The following NUDT12 variants were observed in gnomAD, a reference collection of about 807,000 sequenced individuals.
NUDT12 encodes NAD-capped RNA hydrolase NUDT12.
NUDT12 carries 42 observed loss-of-function variants against 45.7 expected under a neutral mutation model. That is an observed-to-expected ratio of 0.92 (90% CI 0.72 to 1.19). NUDT12 has a LOEUF of 1.19. NUDT12 is among the 50% of genes most tolerant of loss of function. The pLI is 0.00. For missense variants in NUDT12, 590 were observed against 533.1 expected, an observed-to-expected ratio of 1.11 and a Z score of -1.05; for synonymous variants, 206 against 179.7, an observed-to-expected ratio of 1.15 and a Z score of -1.17.
At chr5:103,558,169 C>T (rs1024422359) in intron 3 of NUDT12, among the ~76,000 whole-genome samples, 1 of 151,674 alleles carries the variant, frequency 6.6e-6, no homozygotes, top group Admixed American at 6.6e-5. Context: ...TTGCATATAC[C>T]CTCTTTCCTC....
At position 103,554,749 on chromosome 5, in the gene NUDT12, T is replaced by A; in HGVS notation, c.1069A>T (p.Ile357Phe). The change falls in exon 5 of 7, where the codon ATT becomes TTT. Residue 357 changes from isoleucine (I) to phenylalanine (F), a missense_variant. Physicochemically the swap from Ile to Phe is conservative, Grantham distance 21 (BLOSUM62 0). Coordinates refer to ENST00000230792, the MANE Select transcript of NUDT12 (RefSeq NM_031438.4). ...PGMFTCLAGF[I>F]EPGETIEDAV... ...TTAAGAAATGGCTTACCAGGCTCAA[T>A]AAATCCAGCAAGGCAAGTAAACATG... 7.0e-7 allele frequency: 1 copy of A among 1,434,506 alleles called. No individual in the cohort carries two copies. Among genetic ancestry groups the A allele is most frequent in the Non-Finnish European group, 9.4e-7 (1 of 1,067,824 alleles). The allele number at this position is 1,434,506 out of a possible 1,614,324, so 88.9% of individuals were successfully genotyped here.
At chr5:103,555,397 T>C (rs539643640) in intron 4 of NUDT12, among the ~76,000 whole-genome samples, 4 of 152,076 alleles carry the variant, frequency 2.6e-5, no homozygotes, top group Non-Finnish European at 5.9e-5. Context: ...TAAAAGGCTC[T>C]TGAGCAACAA....
intron 3 of NUDT12, among the ~76,000 whole-genome samples, chr5:103,558,557 A>G (rs1389746027): frequency 6.6e-6 from 1 of 152,180 alleles, no homozygotes; most frequent in Admixed American, 6.5e-5. Context: ...AGCCCCATCA[A>G]CAGAATACAA....
rs769852785 is a variant in NUDT12 at position 103,552,234 on chromosome 5, A to G, written c.1261T>C (p.Trp421Arg). The change falls in exon 6 of 7, where the codon TGG (tryptophan) becomes CGG (arginine). Residue 421 changes from tryptophan to arginine, a missense_variant. Physicochemically the swap from Trp to Arg is moderately radical, Grantham distance 101 (BLOSUM62 -3). Transcript: ENST00000230792. ...AACTTTACCTGTTCTCTAGTGAACCAGCGGGCATCCTCTATTTCATTCTTG... is the reference window on the plus strand; with the variant it reads ...AACTTTACCTGTTCTCTAGTGAACCGGCGGGCATCCTCTATTTCATTCTTG... ...VDKNEIEDAR[W>R]FTREQVLDVL... 2.8e-5 allele frequency: 45 copies of G among 1,613,246 alleles called. No individual in the cohort carries two copies. The highest frequency in any genetic ancestry group is 3.8e-5 in the Non-Finnish European group (45 of 1,179,374).
intron 3 of NUDT12, among the ~76,000 whole-genome samples, chr5:103,557,992 T>C (rs543398841): frequency 6.6e-6 from 1 of 152,000 alleles, no homozygotes; most frequent in Admixed American, 6.6e-5. Context: ...TCTGTCCTGC[T>C]TTCCTTGCTC....
chr5:103,561,037 A>C (rs1257034278), intron 1 of NUDT12, among the ~76,000 whole-genome samples: 1 of 149,620 alleles, frequency 6.7e-6, no homozygotes, highest in East Asian at 1.9e-4. Flanking sequence ...CAGATGATAG[A>C]GCACACACTG....
chr5:103,562,621 C>G (rs539562597), intron 1 of NUDT12, 82 bp downstream of exon 1: 3 of 152,318 alleles, frequency 2.0e-5, no homozygotes, highest in Non-Finnish European at 4.4e-5. Flanking sequence ...CAGGGCAGCG[C>G]GGGAACCAAA....
chr5:103,554,772 A>G lies in NUDT12; in HGVS notation c.1046T>C (p.Met349Thr). Residue 349 changes from methionine (M) to threonine (T), a missense_variant, in exon 5 of 7, where the codon ATG becomes ACG. By Grantham distance (81) the Met-to-Thr change is moderately conservative (BLOSUM62 -1). Transcript: ENST00000230792. ...LGRQKRFPPG[M>T]FTCLAGFIEP... ...AATAAATCCAGCAAGGCAAGTAAACATGCCTGGGGGAAATCTTTTCTGCCT... is the reference window on the plus strand; with the variant it reads ...AATAAATCCAGCAAGGCAAGTAAACGTGCCTGGGGGAAATCTTTTCTGCCT... 6.5e-7 allele frequency: 1 copy of G among 1,532,030 alleles called. No individual in the cohort carries two copies. The allele number at this position is 1,532,030 out of a possible 1,614,324, so 94.9% of individuals were successfully genotyped here.
At chr5:103,560,468 A>G (rs1748999194) in intron 1 of NUDT12, among the ~76,000 whole-genome samples, 2 of 152,150 alleles carry the variant, frequency 1.3e-5, no homozygotes, top group Admixed American at 1.3e-4. Flanking sequence ...TGGGAGTTAC[A>G]CAAAATAATG....
rs1389678593 is a variant in NUDT12 at position 103,549,784 on chromosome 5, A to G, written c.*1077T>C. 1.3e-5 allele frequency: 2 copies of G among 152,120 alleles called. No individual in the cohort carries two copies. Among genetic ancestry groups the G allele is most frequent in the East Asian group, 1.9e-4 (1 of 5,200 alleles). The allele number at this position is 152,120 out of a possible 1,614,324, so 9.4% of individuals were successfully genotyped here. A position where few individuals can be genotyped will look rare whatever the true frequency, so the allele number is the denominator to read the frequency against. ...ATAGCCTTTCAAAATGTGACTTTCT[A>G]TGTTGCAAAATTGTGAACTACTATG... On this transcript the variant is annotated 3_prime_UTR_variant, in exon 7 of 7. Transcript: ENST00000230792.
At chr5:103,552,821 CT>C (rs1055896262) in intron 5 of NUDT12, among the ~76,000 whole-genome samples, 3 of 151,864 alleles carry the variant, frequency 2.0e-5, no homozygotes, top group Non-Finnish European at 2.9e-5. Flanking sequence ...AATTCTGAAA[CT>C]TTTTTTTATT....
intron 1 of NUDT12, among the ~76,000 whole-genome samples, chr5:103,561,062 T>A (rs1221002015): frequency 1.4e-5 from 2 of 142,370 alleles, no homozygotes; most frequent in Admixed American, 7.0e-5. Flanking sequence ...TTTTTTGTCT[T>A]TTTTTTTTTT....
rs115844353 is a variant in NUDT12, at chr5:103,550,858, G to T, written c.*3C>A. 5.2e-4 allele frequency: 821 copies of T among 1,583,308 alleles called. 8 individuals carry two copies. The African/African-American group carries it at 0.01, about 20-fold the overall frequency. On this transcript the variant is annotated 3_prime_UTR_variant, in exon 7 of 7. Transcript: ENST00000230792. ...AATAATACTCAAAGCTTAGTTCTTAGATTTAGAGATTAGGATTTATTCTAA... is the reference window on the plus strand; with the variant it reads ...AATAATACTCAAAGCTTAGTTCTTATATTTAGAGATTAGGATTTATTCTAA...
intron 3 of NUDT12, among the ~76,000 whole-genome samples, chr5:103,556,320 A>G (rs756698184): frequency 3.9e-5 from 6 of 152,092 alleles, no homozygotes; most frequent in Non-Finnish European, 8.8e-5. Context: ...TTCATATAAG[A>G]TAGACATACT....
At chr5:103,556,579 G>C (rs1183761274) in intron 3 of NUDT12, among the ~76,000 whole-genome samples, 1 of 151,992 alleles carries the variant, frequency 6.6e-6, no homozygotes, top group Non-Finnish European at 1.5e-5. Flanking sequence ...AAGCCATGTG[G>C]AACACAACCT....
chr5:103,560,027 A>G lies in NUDT12; in HGVS notation c.206+16T>C, dbSNP rs540806182. ...AACCACAAACCCTTTCAGGTGGTAC[A>G]GCCTAAAATGTTTACCCTTTCTCAA... On this transcript the variant is annotated intron_variant, in intron 2 of 6. Coordinates refer to ENST00000230792, the MANE Select transcript of NUDT12 (RefSeq NM_031438.4). The G allele has an allele frequency of 4.5e-6, 7 of 1,570,982 alleles. 1 individual carries two copies. In the East Asian group the frequency reaches 1.3e-4, roughly 30 times the overall value.
At chr5:103,553,682 C>T (rs1748725758) in intron 5 of NUDT12, among the ~76,000 whole-genome samples, 1 of 152,006 alleles carries the variant, frequency 6.6e-6, no homozygotes, top group Non-Finnish European at 1.5e-5. Flanking sequence ...ATATTAATTG[C>T]AGTGCTGTTT....
At chr5:103,561,514 A>G (rs1224733167) in intron 1 of NUDT12, among the ~76,000 whole-genome samples, 1 of 152,222 alleles carries the variant, frequency 6.6e-6, no homozygotes. Flanking sequence ...ACCAGAAGTA[A>G]TATCTACATG....
chr5:103,558,980 A>G lies in NUDT12; in HGVS notation c.695T>C (p.Ile232Thr), dbSNP rs780064094. The change falls in exon 3 of 7, where the codon ATA becomes ACA. Residue 232 changes from isoleucine (I) to threonine (T), a missense_variant. Transcript: ENST00000230792. ...GAATTCTTCAGCAGCAATAGGATCT[A>G]TACCTAGAGCAAACCAGGCAACCAA... ...DGLVAWFALG[I>T]DPIAAEEFKQ... 6.2e-7 allele frequency: 1 copy of G among 1,613,786 alleles called. No individual in the cohort carries two copies. Among genetic ancestry groups the G allele is most frequent in the Non-Finnish European group, 8.5e-7 (1 of 1,179,734 alleles).
Sources: gnomAD v4.1 joint callset for allele counts (sites outside exome capture counted in the v4.1 genomes callset) on GRCh38, gnomAD v4.1.1 for gene constraint, MANE v1.5 for transcripts, NCBI Gene and HGNC (gene_info 2026-07-23, HGNC 2026-07-21) for gene names.